TMEM107: variants seen among roughly 807,000 people sequenced by gnomAD.
The protein encoded by TMEM107 is transmembrane protein 107.
TMEM107 carries 18 observed loss-of-function variants against 16.8 expected under a neutral mutation model. That is an observed-to-expected ratio of 1.07 (90% CI 0.74 to 1.59). The LOEUF is 1.59. TMEM107 is among the 40% of genes most tolerant of loss of function. The pLI, the probability that TMEM107 is intolerant of heterozygous loss-of-function variation, is 0.00. For missense variants in TMEM107, 152 were observed against 175.4 expected, an observed-to-expected ratio of 0.87 and a Z score of 0.75; for synonymous variants, 68 against 71.6, an observed-to-expected ratio of 0.95 and a Z score of 0.25.
In TMEM107 at chr17:8,173,624, AAG is replaced by A. The variant is rs763863723; in HGVS notation, c.*577_*578del. On this transcript the variant is annotated 3_prime_UTR_variant, in exon 5 of 5. Coordinates refer to ENST00000437139, the MANE Select transcript of TMEM107 (RefSeq NM_183065.4). ...AGCCGACATTCTGCACTCAGTGAAA[AAG>A]ATTCCGTTACAAGCTAGGGTGAGTT... 1.3e-6 allele frequency: 1 copy of A among 749,234 alleles called. No individual in the cohort carries two copies. The highest frequency in any genetic ancestry group is 2.5e-6 in the Non-Finnish European group (1 of 406,832). The allele number at this position is 749,234 out of a possible 1,614,324, so 46.4% of individuals were successfully genotyped here.
Position 8,174,224 on chromosome 17 carries a change from C to A in TMEM107, c.402G>T (p.Gly134=), listed in dbSNP as rs149443617. The change falls in exon 5 of 5, where the codon GGG becomes GGT. Residue 134 remains glycine, a synonymous_variant. Transcript: ENST00000437139. ...GTAATCAGAAGGGTTTCTTTTTCAG[C>A]CCAAAGACGGTGACGAATAAAGCCA... ...TEMALFVTVF[G]LKKKPF 1 of 1,614,126 alleles carries A rather than the reference C, an allele frequency of 6.2e-7. No individual in the cohort carries two copies. The highest frequency in any genetic ancestry group is 2.2e-5 in the East Asian group (1 of 44,892).
In TMEM107 at chr17:8,172,965, TG is replaced by T. The variant is rs1227142914; in HGVS notation, c.*1237del. Among the ~76,000 whole-genome samples, 1 of 151,870 alleles carries T rather than the reference TG, an allele frequency of 6.6e-6. No individual in the cohort carries two copies. The highest frequency in any genetic ancestry group is 6.6e-5 in the Admixed American group (1 of 15,248). ...GACTCTGGATTTGGGAAGAAGTCAT[TG>T]GTGATGATGAGTTTCTTGGGGGTGT... On this transcript the variant is annotated 3_prime_UTR_variant, in exon 5 of 5. Coordinates refer to ENST00000437139, the MANE Select transcript of TMEM107 (RefSeq NM_183065.4).
In TMEM107 at chr17:8,172,687, T is replaced by C. The variant is rs1456382038; in HGVS notation, c.*1516A>G. On this transcript the variant is annotated 3_prime_UTR_variant, in exon 5 of 5. Coordinates refer to ENST00000437139, the MANE Select transcript of TMEM107 (RefSeq NM_183065.4). ...GCAACACAGTGAGACCCTGTCTCTA[T>C]AGAAAAATTTTAAAACAACCAGGTG... Among the ~76,000 whole-genome samples the C allele has an allele frequency of 1.3e-5, 2 of 151,340 alleles. No homozygotes were observed. Among genetic ancestry groups the C allele is most frequent in the East Asian group, 1.9e-4 (1 of 5,150 alleles).
In TMEM107 at chr17:8,173,541, A is replaced by G. The variant is rs201264521; in HGVS notation, c.*662T>C. 90 of 765,336 alleles carry G rather than the reference A, an allele frequency of 1.2e-4. 2 individuals are homozygous for G. The highest frequency in any genetic ancestry group is 1.1e-3 in the Middle Eastern group (5 of 4,448). 47.4% of individuals were successfully genotyped at this position (765,336 alleles called of 1,614,324 possible). On this transcript the variant is annotated 3_prime_UTR_variant, in exon 5 of 5. Transcript: ENST00000437139. The stretch of plus-strand genomic sequence containing the variant: ...ATGCATCTCCAATCATCATGTTCTA[A>G]TCTGCCCTCCGGAGGAGGAACAGGT...
chr17:8,174,517 C>T lies in TMEM107; in HGVS notation c.353+3G>A, dbSNP rs1983968324. The T allele has an allele frequency of 6.2e-7, 1 of 1,613,950 alleles. No individual in the cohort carries two copies. The highest frequency in any genetic ancestry group is 8.5e-7 in the Non-Finnish European group (1 of 1,179,838). ...CATCCCCAAATATTGGATGCTACCA[C>T]ACCTGCAGAAGACAAAAATGTACCA... On this transcript the variant is annotated splice_donor_region_variant and intron_variant, in intron 4 of 4. Coordinates refer to ENST00000437139, the MANE Select transcript of TMEM107 (RefSeq NM_183065.4).
chr17:8,175,800 G>A lies in TMEM107; in HGVS notation c.213C>T (p.Phe71=). The A allele has an allele frequency of 6.2e-7, 1 of 1,614,184 alleles. No homozygotes were observed. Among genetic ancestry groups the A allele is most frequent in the Non-Finnish European group, 8.5e-7 (1 of 1,180,032 alleles). The change falls in exon 3 of 5, where the codon TTC becomes TTT. Residue 71 remains phenylalanine, a synonymous_variant. Coordinates refer to ENST00000437139, the MANE Select transcript of TMEM107 (RefSeq NM_183065.4). ...LGLFAVELAG[F]LSGVSMFNST... ...TGTTGAACATGGAGACTCCTGAGAG[G>A]AAACCGGCCAGCTCCACTGCAAAGA...
rs1167973932 is a variant in TMEM107 at position 8,174,173 on chromosome 17, T to C, written c.*30A>G. ...CGAAGCGGCCCTTGCCCCTGTAGGC[T>C]TCGTCCTTAGGTTCCCGTCATGAAG... is the stretch of plus-strand genomic sequence containing the variant. On this transcript the variant is annotated 3_prime_UTR_variant, in exon 5 of 5. Transcript: ENST00000437139. 2 of 1,609,252 alleles carry C rather than the reference T, an allele frequency of 1.2e-6. No homozygotes were observed. Among genetic ancestry groups the C allele is most frequent in the South Asian group, 2.2e-5 (2 of 90,988 alleles).
rs1983886582 is a variant in TMEM107, at chr17:8,173,720, AC to A, written c.*482del. 1 of 566,972 alleles carries A rather than the reference AC, an allele frequency of 1.8e-6. No individual in the cohort carries two copies. Among genetic ancestry groups the A allele is most frequent in the Non-Finnish European group, 3.1e-6 (1 of 318,448 alleles). 35.1% of individuals were successfully genotyped at this position (566,972 alleles called of 1,614,324 possible). A position where few individuals can be genotyped will look rare whatever the true frequency, so the allele number is the denominator to read the frequency against. On this transcript the variant is annotated 3_prime_UTR_variant, in exon 5 of 5. Coordinates refer to ENST00000437139, the MANE Select transcript of TMEM107 (RefSeq NM_183065.4). ...CAGTTGTTTTGCCATATTAGCTCGC[AC>A]ATTTTTTTAAATTTTTTTTTCATTC...
At chr17:8,176,115 G>T (rs1984116176) in intron 1 of TMEM107, 85 bp downstream of exon 1, 11 of 1,602,260 alleles carry the variant, frequency 6.9e-6, no homozygotes, top group South Asian at 1.1e-5. Flanking sequence ...ACCCAAGAGG[G>T]TAAGACACTG....
rs768450899 is a variant in TMEM107, at chr17:8,176,199, C to A, written c.87+1G>T. 2 of 1,614,038 alleles carry A rather than the reference C, an allele frequency of 1.2e-6. No homozygotes were observed. The highest frequency in any genetic ancestry group is 2.2e-5 in the South Asian group (2 of 91,082). On this transcript the variant is annotated splice_donor_variant, in intron 1 of 4. Transcript: ENST00000437139. LOFTEE classifies it high-confidence loss of function. ...GGATTGAGTGCAGCCGTGGGTCTTA[C>A]CCGGGACCAGAATAAGGTGATGACG...
chr17:8,176,279 C>G lies in TMEM107; in HGVS notation c.8G>C (p.Arg3Pro), dbSNP rs758042017. 3 of 1,613,816 alleles carry G rather than the reference C, an allele frequency of 1.9e-6. No individual in the cohort carries two copies. Among genetic ancestry groups the G allele is most frequent in the Non-Finnish European group, 2.5e-6 (3 of 1,179,824 alleles). MG[R>P]VSGLVPSRFL... ...GCGAGAGGGCACAAGCCCTGAGACC[C>G]GGCCCATGGCCCTCGGGGACAAGGG... Residue 3 changes from arginine (R) to proline (P), a missense_variant, in exon 1 of 5, where the codon CGG becomes CCG. By Grantham distance (103) the Arg-to-Pro change is moderately radical. Coordinates refer to ENST00000437139, the MANE Select transcript of TMEM107 (RefSeq NM_183065.4).
intron 1 of TMEM107, 28 bp downstream of exon 1, chr17:8,176,172 A>G (rs1449383234): frequency 1.2e-6 from 2 of 1,609,386 alleles, no homozygotes; most frequent in Non-Finnish European, 1.7e-6. Context: ...GGGAATGGGG[A>G]CGGATTGAGT....
Position 8,173,667 on chromosome 17 carries a change from T to C in TMEM107, c.*536A>G. On this transcript the variant is annotated 3_prime_UTR_variant, in exon 5 of 5. Coordinates refer to ENST00000437139, the MANE Select transcript of TMEM107 (RefSeq NM_183065.4). ...AGGGTGAGTTCATAACGCGCTGGTA[T>C]GAGCAATCCTATTATTTAGCGTCCT... is the stretch of plus-strand genomic sequence containing the variant. 1.5e-6 allele frequency: 1 copy of C among 679,632 alleles called. No individual in the cohort carries two copies. Among genetic ancestry groups the C allele is most frequent in the Non-Finnish European group, 2.7e-6 (1 of 371,224 alleles). The allele number at this position is 679,632 out of a possible 1,614,324, so 42.1% of individuals were successfully genotyped here.
In TMEM107 at chr17:8,174,521, T is replaced by C; in HGVS notation, c.352A>G (p.Ser118Gly). 1.2e-6 allele frequency: 2 copies of C among 1,614,024 alleles called. No homozygotes were observed. The highest frequency in any genetic ancestry group is 1.6e-4 in the Middle Eastern group (1 of 6,062). ...CCCAAATATTGGATGCTACCACACCTGCAGAAGACAAAAATGTACCAATAC... is the reference window on the plus strand; with the variant it reads ...CCCAAATATTGGATGCTACCACACCCGCAGAAGACAAAAATGTACCAATAC... The part of the protein sequence containing the change: ...TTYWYIFVFC[S>G]ALPAVTEMAL... The change falls in exon 4 of 5, where the codon AGT (serine) becomes GGT (glycine). Residue 118 changes from serine to glycine, a missense_variant and splice_region_variant. Coordinates refer to ENST00000437139, the MANE Select transcript of TMEM107 (RefSeq NM_183065.4).
rs73975809 is a variant in TMEM107, at chr17:8,174,108, G to A, written c.*95C>T. 11 of 1,074,592 alleles carry A rather than the reference G, an allele frequency of 1.0e-5. No individual in the cohort carries two copies. The highest frequency in any genetic ancestry group is 1.6e-5 in the Non-Finnish European group (11 of 695,506). 66.6% of individuals were successfully genotyped at this position (1,074,592 alleles called of 1,614,324 possible). A position where few individuals can be genotyped will look rare whatever the true frequency, so the allele number is the denominator to read the frequency against. Reference sequence around the variant, plus strand: ...ATCCTCCAGCAGAAGCAGTTTCCGAGGGGAAAACCGAAGCCTATGCCTTCC... The same window carrying A: ...ATCCTCCAGCAGAAGCAGTTTCCGAAGGGAAAACCGAAGCCTATGCCTTCC... On this transcript the variant is annotated 3_prime_UTR_variant, in exon 5 of 5. Coordinates refer to ENST00000437139, the MANE Select transcript of TMEM107 (RefSeq NM_183065.4).
chr17:8,173,527 A>T lies in TMEM107; in HGVS notation c.*676T>A, dbSNP rs761878851. ...GTTAATCACGTTTCATGCATCTCCA[A>T]TCATCATGTTCTAATCTGCCCTCCG... On this transcript the variant is annotated 3_prime_UTR_variant, in exon 5 of 5. Transcript: ENST00000437139. 2.6e-6 allele frequency: 2 copies of T among 765,428 alleles called. No individual in the cohort carries two copies. Among genetic ancestry groups the T allele is most frequent in the South Asian group, 2.7e-5 (2 of 74,618 alleles). The allele number at this position is 765,428 out of a possible 1,614,324, so 47.4% of individuals were successfully genotyped here. A position where few individuals can be genotyped will look rare whatever the true frequency, so the allele number is the denominator to read the frequency against.
rs963525428 is a variant in TMEM107 at position 8,173,138 on chromosome 17, C to T, written c.*1065G>A. 2.6e-5 allele frequency: 7 copies of T among 266,098 alleles called. No individual in the cohort carries two copies. Among genetic ancestry groups the T allele is most frequent in the Non-Finnish European group, 5.1e-5 (7 of 136,590 alleles). 16.5% of individuals were successfully genotyped at this position (266,098 alleles called of 1,614,324 possible). ...TTCCTATTGAATACCATCCTGAGGG[C>T]AACCACCATGTGCACAAGACTGCAG... On this transcript the variant is annotated 3_prime_UTR_variant, in exon 5 of 5. Coordinates refer to ENST00000437139, the MANE Select transcript of TMEM107 (RefSeq NM_183065.4).
At position 8,173,200 on chromosome 17, in the gene TMEM107, G is replaced by A. The variant is rs1310596215; in HGVS notation, c.*1003C>T. ...TGTGCAATGTTTCCTGAGAAGTGAGGATTAAAGTTATCAAACGACAAAAAA... is the reference window on the plus strand; with the variant it reads ...TGTGCAATGTTTCCTGAGAAGTGAGAATTAAAGTTATCAAACGACAAAAAA... On this transcript the variant is annotated 3_prime_UTR_variant, in exon 5 of 5. Transcript: ENST00000437139. 1.5e-5 allele frequency: 6 copies of A among 403,016 alleles called. No homozygotes were observed. The highest frequency in any genetic ancestry group is 5.8e-5 in the South Asian group (2 of 34,190). The allele number at this position is 403,016 out of a possible 1,614,324, so 25.0% of individuals were successfully genotyped here.
rs1231580848 is a variant in TMEM107, at chr17:8,172,883, A to AG, written c.*1319dup. On this transcript the variant is annotated 3_prime_UTR_variant, in exon 5 of 5. Coordinates refer to ENST00000437139, the MANE Select transcript of TMEM107 (RefSeq NM_183065.4). ...AAAAAAAAAAAAAAAAAACCAAAAG[A>AG]GGGGGGTGGTCAACATACCATATGC... Among the ~76,000 whole-genome samples, 1 of 144,944 alleles carries AG rather than the reference A, an allele frequency of 6.9e-6. No homozygotes were observed. The highest frequency in any genetic ancestry group is 6.9e-5 in the Admixed American group (1 of 14,514).
Sources: gnomAD v4.1 joint callset for allele counts (sites outside exome capture counted in the v4.1 genomes callset) on GRCh38, gnomAD v4.1.1 for gene constraint, MANE v1.5 for transcripts, NCBI Gene and HGNC (gene_info 2026-07-23, HGNC 2026-07-21) for gene names.